The following SETD7 variants were observed in gnomAD, a reference collection of about 807,000 sequenced individuals.
SETD7 encodes SET domain containing 7, histone lysine methyltransferase.
In SETD7, 16 loss-of-function variants were observed where a neutral mutation model predicts 41.8. That is an observed-to-expected ratio of 0.38 (90% confidence interval 0.26 to 0.58). The LOEUF is 0.58. SETD7 is among the 20% of genes least tolerant of loss of function. SETD7 has a pLI of 0.64. For missense variants in SETD7, 346 were observed against 459.7 expected (o/e 0.75, Z 2.26); for synonymous variants, 163 against 169.7 (o/e 0.96, Z 0.31).
chr4:139,535,424 T>C (rs933531398), intron 2 of SETD7, among the ~76,000 whole-genome samples: 9 of 152,228 alleles, frequency 5.9e-5, no homozygotes, highest in Non-Finnish European at 8.8e-5. Context: ...CCTATTGACT[T>C]TGGACTCTCA....
chr4:139,548,764 T>A (rs1284573904), intron 1 of SETD7, among the ~76,000 whole-genome samples: 1 of 152,200 alleles, frequency 6.6e-6, no homozygotes, highest in East Asian at 1.9e-4. Flanking sequence ...ACCTAGAACA[T>A]CTTACAATAA....
At chr4:139,517,774 C>T (rs962544909) in intron 7 of SETD7, 111 bp downstream of exon 7, 5 of 1,162,610 alleles carry the variant, frequency 4.3e-6, no homozygotes. Flanking sequence ...GACCCATGGT[C>T]ATTCAGATGA....
intron 2 of SETD7, among the ~76,000 whole-genome samples, chr4:139,541,264 C>T (rs1727770537): frequency 6.6e-6 from 1 of 152,144 alleles, no homozygotes; most frequent in African/African-American, 2.4e-5. Flanking sequence ...TTCTTGTTCA[C>T]CATTCTAGGA....
chr4:139,525,099 G>A (rs1187483099), intron 4 of SETD7, among the ~76,000 whole-genome samples: 1 of 152,226 alleles, frequency 6.6e-6, no homozygotes, highest in Non-Finnish European at 1.5e-5. Flanking sequence ...TTACAGGCGT[G>A]AGCTGCTGTG....
At chr4:139,526,278 T>C (rs1727328575) in intron 4 of SETD7, among the ~76,000 whole-genome samples, 1 of 151,636 alleles carries the variant, frequency 6.6e-6, no homozygotes, top group Non-Finnish European at 1.5e-5. Context: ...TCAACAATTT[T>C]TTTTTTTTTT....
chr4:139,529,195 A>G lies in SETD7; in HGVS notation c.398T>C (p.Val133Ala). Residue 133 changes from valine to alanine, a missense_variant, in exon 4 of 8, where the codon GTA becomes GCA. Physicochemically the swap from Val to Ala is moderately conservative, Grantham distance 64 (BLOSUM62 0). Coordinates refer to ENST00000274031, the MANE Select transcript of SETD7 (RefSeq NM_030648.4). ...TCCAGTCATCTCCCCATCTTCATTT[A>G]CTTCTCCTACAAGGCTTCCTCCATC... is the stretch of plus-strand genomic sequence containing the variant. ...YPDGGSLVGE[V>A]NEDGEMTGEK... 1 of 1,613,298 alleles carries G rather than the reference A, an allele frequency of 6.2e-7. No homozygotes were observed. The highest frequency in any genetic ancestry group is 8.5e-7 in the Non-Finnish European group (1 of 1,179,816).
chr4:139,531,974 A>G (rs1727492786), intron 3 of SETD7, among the ~76,000 whole-genome samples: 1 of 152,142 alleles, frequency 6.6e-6, no homozygotes, highest in African/African-American at 2.4e-5. Flanking sequence ...TGTGCCTGCA[A>G]TCCCAGCTAC....
chr4:139,500,665 C>A lies in SETD7; in HGVS notation c.921-4144G>T, dbSNP rs559747685. The stretch of plus-strand genomic sequence containing the variant: ...ATGGGATTACAGGCATGCACCACCA[C>A]GCCCAGCTAATTTTTGTATTATCAG... On this transcript the variant is annotated intron_variant, in intron 7 of 7. Coordinates refer to the SETD7 transcript ENST00000506866. Among the ~76,000 whole-genome samples, 179 of 152,242 alleles carry A rather than the reference C, an allele frequency of 1.2e-3. 1 individual carries two copies. The highest frequency in any genetic ancestry group is 4.2e-3 in the African/African-American group (175 of 41,544).
intron 3 of SETD7, among the ~76,000 whole-genome samples, chr4:139,531,246 T>G (rs1345530047): frequency 6.6e-6 from 1 of 152,238 alleles, no homozygotes; most frequent in South Asian, 2.1e-4. Context: ...GCAACCATGT[T>G]GAGCGACGCC....
intron 3 of SETD7, among the ~76,000 whole-genome samples, chr4:139,529,670 C>T (rs1205281790): frequency 6.6e-6 from 1 of 152,106 alleles, no homozygotes; most frequent in African/African-American, 2.4e-5. Flanking sequence ...ATAAGATCTC[C>T]CTTCTCAATA....
At position 139,506,271 on chromosome 4, in the gene SETD7, AT is replaced by A. The variant is rs1189030776; in HGVS notation, c.*5391del. ...TCCCATAATTTAAAAAAATCATAGA[AT>A]TATAGATATTGAATAAGGCTCATAG... is the stretch of plus-strand genomic sequence containing the variant. On this transcript the variant is annotated 3_prime_UTR_variant, in exon 8 of 8. Transcript: ENST00000274031. 2.6e-5 allele frequency: 4 copies of A among 152,700 alleles called. No individual in the cohort carries two copies. Among genetic ancestry groups the A allele is most frequent in the African/African-American group, 9.6e-5 (4 of 41,472 alleles). 9.5% of individuals were successfully genotyped at this position (152,700 alleles called of 1,614,324 possible).
At chr4:139,504,933 T>C (rs142130235), downstream of SETD7, among the ~76,000 whole-genome samples, 518 of 152,288 alleles carry the variant, frequency 3.4e-3, 1 homozygote, top group Non-Finnish European at 6.4e-3. Context: ...GGAAGAAGAA[T>C]ATTAATATTG....
At chr4:139,545,268 C>T (rs888637101) in intron 2 of SETD7, among the ~76,000 whole-genome samples, 1 of 152,088 alleles carries the variant, frequency 6.6e-6, no homozygotes, top group East Asian at 1.9e-4. Context: ...AGCTCCCCAG[C>T]AGCTGGGACC....
chr4:139,553,791 G>C (rs574187120), intron 1 of SETD7, among the ~76,000 whole-genome samples: 1 of 152,340 alleles, frequency 6.6e-6, no homozygotes, highest in South Asian at 2.1e-4. Flanking sequence ...TCTGTTTATG[G>C]AAAGAGGTAG....
At chr4:139,549,517 T>C (rs537361291) in intron 1 of SETD7, among the ~76,000 whole-genome samples, 122 of 152,044 alleles carry the variant, frequency 8.0e-4, no homozygotes, top group Non-Finnish European at 1.2e-3. Context: ...GAATTATTCC[T>C]TCCTTCCTTC....
At chr4:139,545,968 C>T (rs569974960) in intron 2 of SETD7, among the ~76,000 whole-genome samples, 5 of 152,302 alleles carry the variant, frequency 3.3e-5, no homozygotes, top group South Asian at 4.1e-4. Flanking sequence ...CATGGTCACT[C>T]TTTGCTCCTG....
intron 2 of SETD7, 143 bp from the exon 3 acceptor site, chr4:139,533,509 T>G (rs1727549873): frequency 1.5e-6 from 1 of 686,936 alleles, no homozygotes; most frequent in African/African-American, 1.8e-5. Flanking sequence ...TATCATCGAC[T>G]GCTAGGAAAA....
Position 139,506,280 on chromosome 4 carries a change from A to G in SETD7, c.*5383T>C, listed in dbSNP as rs1210108771. 1 of 152,684 alleles carries G rather than the reference A, an allele frequency of 6.5e-6. No individual in the cohort carries two copies. Among genetic ancestry groups the G allele is most frequent in the Non-Finnish European group, 1.5e-5 (1 of 68,054 alleles). 9.5% of individuals were successfully genotyped at this position (152,684 alleles called of 1,614,324 possible). A position where few individuals can be genotyped will look rare whatever the true frequency, so the allele number is the denominator to read the frequency against. On this transcript the variant is annotated 3_prime_UTR_variant, in exon 8 of 8. Coordinates refer to ENST00000274031, the MANE Select transcript of SETD7 (RefSeq NM_030648.4). ...TTAAAAAAATCATAGAATTATAGAT[A>G]TTGAATAAGGCTCATAGTTTTAGTT... is the stretch of plus-strand genomic sequence containing the variant.
chr4:139,532,400 C>T (rs1579214623), intron 3 of SETD7, among the ~76,000 whole-genome samples: 1 of 152,176 alleles, frequency 6.6e-6, no homozygotes, highest in East Asian at 1.9e-4. Context: ...GATCGTGCCA[C>T]TGCACTCCAG....
Sources: gnomAD v4.1 joint callset for allele counts (sites outside exome capture counted in the v4.1 genomes callset) on GRCh38, gnomAD v4.1.1 for gene constraint, MANE v1.5 for transcripts, NCBI Gene and HGNC (gene_info 2026-07-23, HGNC 2026-07-21) for gene names.